Variants in ADGRL2 observed in about 807,000 individuals in gnomAD.
The protein encoded by ADGRL2 is adhesion G protein-coupled receptor L2.
ADGRL2 carries 44 observed loss-of-function variants against 157.4 expected under a neutral mutation model. The observed-to-expected ratio is 0.28, with a 90% CI of 0.22 to 0.36. The LOEUF (loss-of-function observed/expected upper bound fraction) is 0.36. ADGRL2 is among the 10% of genes least tolerant of loss of function. ADGRL2 has a pLI of 1.00. For synonymous variants in ADGRL2, 585 were observed against 624.7 expected (o/e 0.94, Z 0.95); for missense variants, 1,510 against 1,768.9 (o/e 0.85, Z 2.63).
chr1:81,423,134 T>C (rs1368450052), intron 1 of ADGRL2, among the ~76,000 whole-genome samples: 2 of 152,190 alleles, frequency 1.3e-5, no homozygotes, highest in African/African-American at 4.8e-5. Context: ...TGTGTCATGT[T>C]TTAGAAGAAA....
chr1:81,494,280 G>A (rs1196153425), intron 2 of ADGRL2, among the ~76,000 whole-genome samples: 1 of 152,066 alleles, frequency 6.6e-6, no homozygotes, highest in East Asian at 1.9e-4. Flanking sequence ...ACTGAAACAA[G>A]ATAATGTGTC....
At chr1:81,937,235 G>A (rs947798519) in intron 4 of ADGRL2, among the ~76,000 whole-genome samples, 3 of 151,922 alleles carry the variant, frequency 2.0e-5, no homozygotes, top group Non-Finnish European at 2.9e-5. Flanking sequence ...TGCTGTTGTA[G>A]TAAGTTTAGT....
At chr1:81,458,843 G>A (rs2077862076) in intron 2 of ADGRL2, among the ~76,000 whole-genome samples, 1 of 152,172 alleles carries the variant, frequency 6.6e-6, no homozygotes. Flanking sequence ...GCAGCTCAGT[G>A]AACAGGGACG....
chr1:81,951,165 A>G (rs376852445), intron 8 of ADGRL2, 44 bp downstream of exon 8: 11 of 1,242,038 alleles, frequency 8.9e-6, no homozygotes, highest in Non-Finnish European at 1.3e-5. Context: ...GATTTAGGGC[A>G]TTAACTTCTA....
In ADGRL2 at chr1:81,842,079, G is replaced by A. The variant is rs74095979; in HGVS notation, c.73+5022G>A. Among the ~76,000 whole-genome samples the A allele has an allele frequency of 6.2e-3, 939 of 152,144 alleles. 10 individuals are homozygous for A. The highest frequency in any genetic ancestry group is 0.021 in the African/African-American group (885 of 41,518). ...ATTGCAGGGTGATGCTGATGGTGTT[G>A]CTCAGCATCACACTATAAGAGCCAC... On this transcript the variant is annotated intron_variant, in intron 2 of 23. Transcript: ENST00000686636.
chr1:81,321,202 C>T (rs1163176025), intron 1 of ADGRL2, among the ~76,000 whole-genome samples: 2 of 152,170 alleles, frequency 1.3e-5, no homozygotes, highest in Admixed American at 6.5e-5. Flanking sequence ...AGAGTTAAGG[C>T]CTTGCTATGG....
intron 2 of ADGRL2, among the ~76,000 whole-genome samples, chr1:81,453,140 T>C (rs977555768): frequency 4.6e-5 from 7 of 152,228 alleles, no homozygotes; most frequent in Non-Finnish European, 7.3e-5. Flanking sequence ...AGCTCTCTTA[T>C]TGTTATGTGA....
At chr1:81,404,017 C>T (rs935119074) in intron 1 of ADGRL2, among the ~76,000 whole-genome samples, 7 of 151,964 alleles carry the variant, frequency 4.6e-5, no homozygotes, top group African/African-American at 4.8e-5. Flanking sequence ...AGGTTGGTCT[C>T]GATCTCTTGA....
chr1:81,450,687 T>C (rs1361779092), intron 2 of ADGRL2, among the ~76,000 whole-genome samples: 1 of 151,988 alleles, frequency 6.6e-6, no homozygotes, highest in Admixed American at 6.6e-5. Context: ...CAATACTTAT[T>C]ATTTAGTCCC....
At chr1:81,787,030 C>G (rs1329384861) in intron 2 of ADGRL2, among the ~76,000 whole-genome samples, 2 of 151,880 alleles carry the variant, frequency 1.3e-5, no homozygotes, top group African/African-American at 4.8e-5. Context: ...GTGAATAAGT[C>G]TCATGAGATC....
intron 1 of ADGRL2, among the ~76,000 whole-genome samples, chr1:81,441,878 T>C (rs1376050832): frequency 6.6e-6 from 1 of 152,062 alleles, no homozygotes; most frequent in Non-Finnish European, 1.5e-5. Flanking sequence ...CTCACTGTGC[T>C]GCCCAGGCTG....
intron 2 of ADGRL2, among the ~76,000 whole-genome samples, chr1:81,543,896 A>G (rs149915259): frequency 9.2e-5 from 14 of 152,212 alleles, no homozygotes; most frequent in African/African-American, 3.4e-4. Flanking sequence ...AAGTTTCTCA[A>G]TACACCAGGA....
chr1:81,640,189 A>T (rs2082190675), intron 3 of ADGRL2, among the ~76,000 whole-genome samples: 1 of 152,306 alleles, frequency 6.6e-6, no homozygotes, highest in African/African-American at 2.4e-5. Context: ...AGAAACTCAA[A>T]GAAAACACAT....
At chr1:81,561,444 T>G (rs2080438625) in intron 2 of ADGRL2, among the ~76,000 whole-genome samples, 2 of 151,654 alleles carry the variant, frequency 1.3e-5, no homozygotes, top group African/African-American at 4.8e-5. Flanking sequence ...TTGTTCTGTT[T>G]TTTTTTGTTG....
chr1:81,868,237 T>G (rs2093601959), intron 2 of ADGRL2, among the ~76,000 whole-genome samples: 1 of 152,134 alleles, frequency 6.6e-6, no homozygotes, highest in South Asian at 2.1e-4. Context: ...GAACTTACAC[T>G]TGGTTAAGAT....
chr1:81,838,868 G>T (rs986744609), intron 2 of ADGRL2, among the ~76,000 whole-genome samples: 6 of 151,930 alleles, frequency 3.9e-5, no homozygotes, highest in Non-Finnish European at 8.8e-5. Context: ...ATCAGGCCAG[G>T]GGGTATTGCT....
At chr1:81,502,067 G>T (rs190967251) in intron 2 of ADGRL2, 1 of 1,600,872 alleles carries the variant, frequency 6.2e-7, no homozygotes, top group Non-Finnish European at 8.5e-7. Flanking sequence ...GGAAGAGGAC[G>T]GAGGTTTGGA....
intron 3 of ADGRL2, among the ~76,000 whole-genome samples, chr1:81,581,457 C>A (rs1471797307): frequency 6.6e-6 from 1 of 152,128 alleles, no homozygotes; most frequent in East Asian, 1.9e-4. Context: ...AAGAAAAGGT[C>A]ATTGGGACTT....
intron 2 of ADGRL2, among the ~76,000 whole-genome samples, chr1:81,899,179 G>C (rs950020532): frequency 5.3e-5 from 8 of 152,222 alleles, no homozygotes; most frequent in Non-Finnish European, 1.0e-4. Context: ...TTAAGGAACA[G>C]AGTTAATGGA....
Sources: allele counts gnomAD v4.1 joint callset (sites outside exome capture counted in the v4.1 genomes callset), GRCh38; gene constraint gnomAD v4.1.1; transcripts MANE v1.5; gene names NCBI Gene and HGNC (gene_info 2026-07-23, HGNC 2026-07-21).